The following NR3C2 variants were observed in gnomAD, a reference collection of about 807,000 sequenced individuals.
NR3C2 encodes nuclear receptor subfamily 3 group C member 2, also known as mineralocorticoid receptor.
Under a neutral mutation model 86.4 loss-of-function variants are expected in NR3C2, and 15 were observed. That is an observed-to-expected ratio of 0.17 (90% CI 0.12 to 0.27). The LOEUF is 0.27. Among genes scored for constraint, NR3C2 ranks in the 10% least tolerant of loss-of-function variants. The pLI is 1.00. For missense variants in NR3C2, 960 were observed against 1,195.6 expected (o/e 0.80, Z 2.91); for synonymous variants, 458 against 450.5 (o/e 1.02, Z -0.21).
In NR3C2 at chr4:148,436,375, T is replaced by C. The variant is rs138971877; in HGVS notation, c.486A>G (p.Arg162=). ...STLSCVNTPL[R]SFMSDSGSSV... ...AGCTCCCAGAGTCAGACATAAATGATCTCAAGGGCGTGTTCACACAACTTA... is the reference window on the plus strand; with the variant it reads ...AGCTCCCAGAGTCAGACATAAATGACCTCAAGGGCGTGTTCACACAACTTA... The change falls in exon 2 of 9, where the codon AGA becomes AGG. Residue 162 remains arginine (R), a synonymous_variant. Transcript: ENST00000358102. 2 of 1,614,182 alleles carry C rather than the reference T, an allele frequency of 1.2e-6. No homozygotes were observed. Among genetic ancestry groups the C allele is most frequent in the East Asian group, 4.5e-5 (2 of 44,884 alleles).
intron 3 of NR3C2, among the ~76,000 whole-genome samples, chr4:148,239,486 T>C (rs1476260890): frequency 1.3e-5 from 2 of 152,162 alleles, no homozygotes; most frequent in Admixed American, 6.5e-5. Context: ...GGTTGAAGGC[T>C]ATCTGACAGT....
intron 8 of NR3C2, among the ~76,000 whole-genome samples, chr4:148,088,777 TG>T (rs1301814628): frequency 8.5e-5 from 13 of 152,244 alleles, no homozygotes; most frequent in Non-Finnish European, 1.3e-4. Context: ...GACAGGTTGA[TG>T]GGTGCAGCAA....
intron 6 of NR3C2, among the ~76,000 whole-genome samples, chr4:148,142,615 C>G (rs1352434579): frequency 1.3e-5 from 2 of 152,180 alleles, no homozygotes; most frequent in Non-Finnish European, 2.9e-5. Context: ...CCACCTCAGC[C>G]TCCTGAGTAG....
At chr4:148,247,580 TAGA>T (rs1276140847) in intron 3 of NR3C2, among the ~76,000 whole-genome samples, 1 of 151,486 alleles carries the variant, frequency 6.6e-6, no homozygotes, top group Non-Finnish European at 1.5e-5. Context: ...ATTTAAAAAA[TAGA>T]AGCACACTGC....
In NR3C2 at chr4:148,194,884, A is replaced by G. The variant is rs4835500; in HGVS notation, c.1898-22T>C. ...TGCCCTGATTAAAATAATAAAAAAT[A>G]ACTGTTAAAATAGAGTACACTAGTA... is the stretch of plus-strand genomic sequence containing the variant. On this transcript the variant is annotated intron_variant, in intron 3 of 8. Transcript: ENST00000358102. 824,286 of 1,528,404 alleles carry G rather than the reference A, an allele frequency of 0.54. 225,594 individuals are homozygous for G. Among genetic ancestry groups the G allele is most frequent in the East Asian group, 0.74 (32,913 of 44,404 alleles). The allele number at this position is 1,528,404 out of a possible 1,614,324, so 94.7% of individuals were successfully genotyped here.
intron 3 of NR3C2, among the ~76,000 whole-genome samples, chr4:148,214,766 C>T (rs1337509790): frequency 6.6e-6 from 1 of 152,192 alleles, no homozygotes; most frequent in Non-Finnish European, 1.5e-5. Context: ...ATGCAGGCTC[C>T]GTGTTGCCAG....
At position 148,435,793 on chromosome 4, in the gene NR3C2, C is replaced by T; in HGVS notation, c.1068G>A (p.Arg356=). Residue 356 remains arginine (R), a synonymous_variant, in exon 2 of 9, where the codon CGG becomes CGA. Transcript: ENST00000358102. ...SGTSAGSSTL[R]DVVPSPDTQE... is the part of the protein sequence containing the mutation. ...GCGTGTCTGGACTGGGAACCACATC[C>T]CGCAATGTACTGGATCCAGCAGAGG... 2 of 1,614,126 alleles carry T rather than the reference C, an allele frequency of 1.2e-6. No homozygotes were observed. Among genetic ancestry groups the T allele is most frequent in the Non-Finnish European group, 1.7e-6 (2 of 1,180,002 alleles).
intron 3 of NR3C2, among the ~76,000 whole-genome samples, chr4:148,226,208 G>A (rs374355148): frequency 1.1e-4 from 16 of 152,194 alleles, no homozygotes; most frequent in African/African-American, 3.1e-4. Flanking sequence ...AAAATGTATC[G>A]TACAATATAG....
chr4:148,243,169 T>C (rs1739147154), intron 3 of NR3C2, among the ~76,000 whole-genome samples: 1 of 152,090 alleles, frequency 6.6e-6, no homozygotes, highest in Non-Finnish European at 1.5e-5. Context: ...TAGCTAGGAT[T>C]ATGGGTGTGT....
intron 4 of NR3C2, among the ~76,000 whole-genome samples, chr4:148,169,584 T>C (rs1293730064): frequency 6.6e-6 from 1 of 151,986 alleles, no homozygotes; most frequent in Non-Finnish European, 1.5e-5. Context: ...ATTTACTTAC[T>C]TCCCAAAGTG....
At chr4:148,264,619 T>C (rs1183041020) in intron 2 of NR3C2, among the ~76,000 whole-genome samples, 1 of 152,128 alleles carries the variant, frequency 6.6e-6, no homozygotes, top group Admixed American at 6.5e-5. Context: ...CTTTGCAAAA[T>C]CACCTCTCCT....
At chr4:148,414,201 C>A (rs1026041950) in intron 2 of NR3C2, among the ~76,000 whole-genome samples, 11 of 152,080 alleles carry the variant, frequency 7.2e-5, no homozygotes, top group African/African-American at 2.7e-4. Context: ...TGTAAAATTG[C>A]TAAATATACG....
At chr4:148,376,637 T>C (rs1197052471) in intron 2 of NR3C2, among the ~76,000 whole-genome samples, 2 of 152,208 alleles carry the variant, frequency 1.3e-5, no homozygotes, top group East Asian at 3.8e-4. Context: ...CTTTAGAATT[T>C]CAAAAGCTTA....
At chr4:148,239,583 A>T (rs996393902) in intron 3 of NR3C2, among the ~76,000 whole-genome samples, 4 of 152,232 alleles carry the variant, frequency 2.6e-5, no homozygotes, top group African/African-American at 9.6e-5. Flanking sequence ...ACAAAGATGC[A>T]GAGGACAGGC....
chr4:148,080,561 T>C lies in NR3C2; in HGVS notation c.*783A>G, dbSNP rs1186374879. Reference sequence around the variant, plus strand: ...TCATCCTATTAACCATTAAAGATTTTTTTTGTATGTGTCTCATTTACAAAA... The same window carrying C: ...TCATCCTATTAACCATTAAAGATTTCTTTTGTATGTGTCTCATTTACAAAA... On this transcript the variant is annotated 3_prime_UTR_variant, in exon 9 of 9. Transcript: ENST00000358102. 1 of 156,608 alleles carries C rather than the reference T, an allele frequency of 6.4e-6. No homozygotes were observed. Among genetic ancestry groups the C allele is most frequent in the Non-Finnish European group, 1.4e-5 (1 of 69,978 alleles). The allele number at this position is 156,608 out of a possible 1,614,324, so 9.7% of individuals were successfully genotyped here. A position where few individuals can be genotyped will look rare whatever the true frequency, so the allele number is the denominator to read the frequency against.
chr4:148,267,673 TAG>T lies in NR3C2; in HGVS notation c.1758-7558_1758-7557del, dbSNP rs1280787452. Among the ~76,000 whole-genome samples the T allele has an allele frequency of 2.6e-5, 4 of 152,306 alleles. No individual in the cohort carries two copies. In the East Asian group the frequency reaches 7.7e-4, roughly 29 times the overall value. ...TGGCTCCCCTGGTGTCTGCAGTGTATAGGTTGGGAACAGCCACATTATATCAT... is the reference window on the plus strand; with the variant it reads ...TGGCTCCCCTGGTGTCTGCAGTGTATGTTGGGAACAGCCACATTATATCAT... On this transcript the variant is annotated intron_variant, in intron 2 of 8. Coordinates refer to ENST00000358102, the MANE Select transcript of NR3C2 (RefSeq NM_000901.5).
intron 2 of NR3C2, among the ~76,000 whole-genome samples, chr4:148,330,659 A>G (rs528478591): frequency 1.7e-4 from 26 of 152,286 alleles, no homozygotes; most frequent in Admixed American, 1.6e-3. Flanking sequence ...CTCCCATTTG[A>G]CTTTATATTC....
chr4:148,153,230 G>A (rs1282738264), intron 5 of NR3C2, among the ~76,000 whole-genome samples: 10 of 126,500 alleles, frequency 7.9e-5, no homozygotes, highest in Non-Finnish European at 1.8e-4. Context: ...CTGTCGCCCA[G>A]GCTGGAGTTC....
intron 1 of NR3C2, among the ~76,000 whole-genome samples, chr4:148,437,615 T>C (rs566457822): frequency 4.6e-5 from 7 of 152,298 alleles, no homozygotes; most frequent in East Asian, 1.9e-4. Context: ...GGCAAGGACT[T>C]TGACATGCAC....
Sources: gnomAD v4.1 joint callset for allele counts (sites outside exome capture counted in the v4.1 genomes callset) on GRCh38, gnomAD v4.1.1 for gene constraint, MANE v1.5 for transcripts, NCBI Gene and HGNC (gene_info 2026-07-23, HGNC 2026-07-21) for gene names.